The following LDLRAD4 variants were observed in gnomAD, a reference collection of about 807,000 sequenced individuals.
LDLRAD4 encodes the protein low-density lipoprotein receptor class A domain-containing protein 4.
In LDLRAD4, 5 loss-of-function variants were observed where a neutral mutation model predicts 17.0. The ratio of observed to expected loss-of-function variants is 0.29; its 90% CI spans 0.15 to 0.62. LDLRAD4 has a LOEUF of 0.62. LDLRAD4 is among the 20% of genes least tolerant of loss of function. The pLI, the probability that LDLRAD4 is intolerant of heterozygous loss-of-function variation, is 0.84. For missense variants in LDLRAD4, 340 were observed against 424.7 expected (o/e 0.80, Z 1.75); for synonymous variants, 168 against 171.8 (o/e 0.98, Z 0.17).
At chr18:13,611,572 G>C (rs769253711) in intron 3 of LDLRAD4, 83 of 985,286 alleles carry the variant, frequency 8.4e-5, no homozygotes, top group Non-Finnish European at 9.8e-5. Flanking sequence ...TGAACCAGGA[G>C]AAAGCGCCCT....
Position 13,612,245 on chromosome 18 carries a change from G to C in LDLRAD4, c.182-8872G>C. 3 of 994,166 alleles carry C rather than the reference G, an allele frequency of 3.0e-6. No homozygotes were observed. In the South Asian group the frequency reaches 1.4e-4, roughly 45 times the overall value. 61.6% of individuals were successfully genotyped at this position (994,166 alleles called of 1,614,324 possible). A position where few individuals can be genotyped will look rare whatever the true frequency, so the allele number is the denominator to read the frequency against. On this transcript the variant is annotated intron_variant, in intron 3 of 5. Coordinates refer to ENST00000359446, the Ensembl canonical transcript of LDLRAD4. ...CCGTCTAGCTGCGTTCTGCTTGCCT[G>C]TGTGTGTGACACGTCCAGGTGTGAG...
intron 2 of LDLRAD4, among the ~76,000 whole-genome samples, chr18:13,415,153 G>T (rs1422850536): frequency 6.6e-6 from 1 of 152,176 alleles, no homozygotes; most frequent in African/African-American, 2.4e-5. Context: ...TTGCCTGGAG[G>T]TCTCTGGAAT....
At chr18:13,559,613 T>C (rs2094519137) in intron 3 of LDLRAD4, among the ~76,000 whole-genome samples, 1 of 152,248 alleles carries the variant, frequency 6.6e-6, no homozygotes, top group Non-Finnish European at 1.5e-5. Flanking sequence ...GAAATGCAAG[T>C]ATATCTGTGT....
At chr18:13,252,880 T>C (rs1384639850) in intron 1 of LDLRAD4, among the ~76,000 whole-genome samples, 1 of 152,250 alleles carries the variant, frequency 6.6e-6, no homozygotes, top group Non-Finnish European at 1.5e-5. Flanking sequence ...AGTGTCCTTG[T>C]AGTCTCGTTA....
intron 1 of LDLRAD4, among the ~76,000 whole-genome samples, chr18:13,305,138 A>G (rs916936613): frequency 3.9e-5 from 6 of 152,236 alleles, no homozygotes; most frequent in Admixed American, 2.6e-4. Context: ...TCATGAATGC[A>G]TAAAATATAT....
At chr18:13,562,172 C>T (rs1489276750) in intron 3 of LDLRAD4, among the ~76,000 whole-genome samples, 1 of 152,238 alleles carries the variant, frequency 6.6e-6, no homozygotes, top group African/African-American at 2.4e-5. Context: ...ATTTCCTCAT[C>T]TGTGAAAGGT....
chr18:13,652,470 A>G (rs1467735224), exon 6 of LDLRAD4: 1 of 152,522 alleles, frequency 6.6e-6, no homozygotes, highest in African/African-American at 2.4e-5. Context: ...TTTGTGAGCT[A>G]TGATAATCAA....
In LDLRAD4 at chr18:13,581,897, G is replaced by T. The variant is rs540496393; in HGVS notation, c.182-39220G>T. Among the ~76,000 whole-genome samples, 4 of 152,274 alleles carry T rather than the reference G, an allele frequency of 2.6e-5. No individual in the cohort carries two copies. The East Asian group carries it at 7.7e-4, about 29-fold the overall frequency. ...CACACACGTATGTGTGTGCATGTAT[G>T]TTCATGTGTGCATGTGTGTGGTAAG... On this transcript the variant is annotated intron_variant, in intron 3 of 5. Transcript: ENST00000359446.
chr18:13,303,155 A>G (rs527531998), intron 1 of LDLRAD4, among the ~76,000 whole-genome samples: 1 of 152,240 alleles, frequency 6.6e-6, no homozygotes, highest in African/African-American at 2.4e-5. Flanking sequence ...TGCAGGGCAC[A>G]TGCTGGACAG....
At chr18:13,280,937 C>T (rs553694238) in intron 1 of LDLRAD4, among the ~76,000 whole-genome samples, 1 of 152,268 alleles carries the variant, frequency 6.6e-6, no homozygotes, top group East Asian at 1.9e-4. Flanking sequence ...TCAATTTAAA[C>T]TTTTTAAGGT....
At chr18:13,582,517 C>T (rs531269634) in intron 3 of LDLRAD4, among the ~76,000 whole-genome samples, 1 of 152,242 alleles carries the variant, frequency 6.6e-6, no homozygotes. Context: ...CTCCTCTGCT[C>T]TGTCCACTTG....
chr18:13,427,078 C>T (rs1360830069), intron 2 of LDLRAD4, among the ~76,000 whole-genome samples: 4 of 151,908 alleles, frequency 2.6e-5, no homozygotes, highest in South Asian at 2.1e-4. Context: ...CCCAGCTACT[C>T]GGGAGGCTGA....
chr18:13,628,478 G>C (rs2041371698), intron 4 of LDLRAD4, among the ~76,000 whole-genome samples: 1 of 152,242 alleles, frequency 6.6e-6, no homozygotes, highest in African/African-American at 2.4e-5. Flanking sequence ...GGTCCGGCGG[G>C]TTGGCCGCAG....
Position 13,569,852 on chromosome 18 carries a change from T to C in LDLRAD4, c.182-51265T>C, listed in dbSNP as rs146929262. Among the ~76,000 whole-genome samples the C allele has an allele frequency of 5.5e-3, 845 of 152,324 alleles. 3 individuals carry two copies. The highest frequency in any genetic ancestry group is 0.01 in the Non-Finnish European group (706 of 68,032). On this transcript the variant is annotated intron_variant, in intron 3 of 5. Transcript: ENST00000359446. ...GTGAGCCAATATCGTGCCACCGCAC[T>C]GCAGCCTGGGTGACAAAGTGAGACT... is the stretch of plus-strand genomic sequence containing the variant.
intron 1 of LDLRAD4, among the ~76,000 whole-genome samples, chr18:13,360,909 T>C (rs1241262919): frequency 6.6e-6 from 1 of 152,220 alleles, no homozygotes; most frequent in Non-Finnish European, 1.5e-5. Flanking sequence ...ATTTCTTTTT[T>C]CTCCAGAGGA....
chr18:13,389,353 C>A (rs1036221716), intron 2 of LDLRAD4, among the ~76,000 whole-genome samples: 1 of 152,114 alleles, frequency 6.6e-6, no homozygotes, highest in Non-Finnish European at 1.5e-5. Context: ...CAGGGGTGGG[C>A]AGCTCCCTCG....
At chr18:13,599,693 C>T (rs1048598598) in intron 3 of LDLRAD4, among the ~76,000 whole-genome samples, 1 of 151,846 alleles carries the variant, frequency 6.6e-6, no homozygotes, top group Non-Finnish European at 1.5e-5. Flanking sequence ...GGGTTTCACC[C>T]TGTTAGCCAG....
intron 1 of LDLRAD4, among the ~76,000 whole-genome samples, chr18:13,375,363 G>A (rs574259167): frequency 8.5e-5 from 13 of 152,306 alleles, no homozygotes; most frequent in South Asian, 4.1e-4. Flanking sequence ...ATTATTTCTT[G>A]TATGGTTTTA....
intron 3 of LDLRAD4, among the ~76,000 whole-genome samples, chr18:13,586,015 C>T (rs987839161): frequency 6.6e-6 from 1 of 152,138 alleles, no homozygotes; most frequent in African/African-American, 2.4e-5. Context: ...GCTAATGTCA[C>T]ACAGCTGAAG....
Sources: allele counts gnomAD v4.1 joint callset (sites outside exome capture counted in the v4.1 genomes callset), GRCh38; gene constraint gnomAD v4.1.1; transcripts MANE v1.5; gene names NCBI Gene and HGNC (gene_info 2026-07-23, HGNC 2026-07-21).